The following UNC13D variants were observed in gnomAD, a reference collection of about 807,000 sequenced individuals.
UNC13D encodes the protein unc-13 homolog D.
UNC13D carries 115 observed loss-of-function variants against 151.7 expected under a neutral mutation model. The observed-to-expected ratio is 0.76, with a 90% CI of 0.65 to 0.88. The LOEUF (loss-of-function observed/expected upper bound fraction) is 0.88. Ranked by LOEUF, UNC13D falls within the 40% of genes least tolerant of loss-of-function variation. The probability of loss-of-function intolerance (pLI) is 0.00; values close to 1 mark genes in which losing one functional copy is unlikely to be tolerated. For synonymous variants in UNC13D, 588 were observed against 612.2 expected (o/e 0.96, Z 0.58); for missense variants, 1,369 against 1,438.7 (o/e 0.95, Z 0.78).
rs1357879329 is a variant in UNC13D at position 75,830,145 on chromosome 17, C to G, written c.2837G>C (p.Ser946Thr). ...CAAGGTCAGCTGGACAAAGGGGTCG[C>G]TGGAGCCTGGTAAGTGGCCGGGGAG... ...SLLPLDSNGS[S>T]DPFVQLTLEP... The change falls in exon 30 of 32, where the codon AGC (serine) becomes ACC (threonine). Residue 946 changes from serine (S) to threonine (T), a missense_variant. Physicochemically the swap from Ser to Thr is moderately conservative, Grantham distance 58 (BLOSUM62 1). Transcript: ENST00000207549. The G allele has an allele frequency of 6.3e-7, 1 of 1,589,906 alleles. No individual in the cohort carries two copies. The highest frequency in any genetic ancestry group is 1.3e-5 in the African/African-American group (1 of 74,516).
At chr17:75,829,785 C>T in intron 30 of UNC13D, 3 of 483,622 alleles carry the variant, frequency 6.2e-6, no homozygotes, top group Non-Finnish European at 1.1e-5. Flanking sequence ...AGACTGTTGG[C>T]CAGGCTGGTC....
Position 75,827,427 on chromosome 17 carries a change from G to A in UNC13D, c.*538C>T, listed in dbSNP as rs1405033764. The A allele has an allele frequency of 1.7e-5, 24 of 1,422,034 alleles. 1 individual carries two copies. In the South Asian group the frequency reaches 3.3e-4, roughly 20 times the overall value. The allele number at this position is 1,422,034 out of a possible 1,614,324, so 88.1% of individuals were successfully genotyped here. The stretch of plus-strand genomic sequence containing the variant: ...AAGGTTCTTGGCTCCAGGCTTCCTG[G>A]CCTGGATGCTGGCAGCCCCTGGGGA... On this transcript the variant is annotated 3_prime_UTR_variant, in exon 32 of 32. Transcript: ENST00000207549.
Position 75,831,180 on chromosome 17 carries a change from T to A in UNC13D, c.2554-11A>T. The A allele has an allele frequency of 6.2e-7, 1 of 1,614,006 alleles. No individual in the cohort carries two copies. Reference sequence around the variant, plus strand: ...GCAGATCTCCAGGTTCTGGGGGAGATATCAGAGGTGACCCCAGGCACCCTC... The same window carrying A: ...GCAGATCTCCAGGTTCTGGGGGAGAAATCAGAGGTGACCCCAGGCACCCTC... On this transcript the variant is annotated splice_polypyrimidine_tract_variant and intron_variant, in intron 26 of 31. Coordinates refer to ENST00000207549, the MANE Select transcript of UNC13D (RefSeq NM_199242.3).
chr17:75,835,657 A>G lies in UNC13D; in HGVS notation c.1717T>C (p.Ser573Pro), dbSNP rs771198913. ...LKELCQLRMS[S>P]SERDGVLALD... ...TGGCCTGCTGCCCACCTCTCTGAGG[A>G]GCTCATGCGCAGCTGGCAGAGCTCC... Residue 573 changes from serine (S) to proline (P), a missense_variant, in exon 19 of 32, where the codon TCC becomes CCC. Ser to Pro is a moderately conservative substitution (Grantham distance 74). Transcript: ENST00000207549. 4 of 1,613,146 alleles carry G rather than the reference A, an allele frequency of 2.5e-6. No individual in the cohort carries two copies. The African/African-American group carries it at 5.3e-5, about 22-fold the overall frequency.
In UNC13D at chr17:75,843,237, G is replaced by A. The variant is rs1327467105; in HGVS notation, c.183C>T (p.Tyr61=). Residue 61 remains tyrosine, a synonymous_variant, in exon 3 of 32, where the codon TAC becomes TAT. Coordinates refer to ENST00000207549, the MANE Select transcript of UNC13D (RefSeq NM_199242.3). The part of the protein sequence containing the change: ...QRALLYEDAL[Y]TVLHRLGHPE... ...GATGACCCAGGCGGTGCAAGACAGT[G>A]TAGAGTGCGTCCTCGTAGAGCAGGG... The A allele has an allele frequency of 2.5e-6, 4 of 1,610,280 alleles. No individual in the cohort carries two copies. The highest frequency in any genetic ancestry group is 1.1e-5 in the South Asian group (1 of 91,084).
At chr17:75,831,016 T>C (rs1838126168) in intron 27 of UNC13D, 82 bp downstream of exon 27, 3 of 1,522,488 alleles carry the variant, frequency 2.0e-6, no homozygotes, top group Non-Finnish European at 2.7e-6. Context: ...CCATAAATTA[T>C]GTAGCCGACC....
Position 75,843,091 on chromosome 17 carries a change from G to T in UNC13D, c.262-18C>A. The T allele has an allele frequency of 6.2e-7, 1 of 1,604,262 alleles. No individual in the cohort carries two copies. ...TGGAAGGCCTGGTGGGGAGGCAGGC[G>T]GGTGGGTGGCTGGGGGCACCAGACA... On this transcript the variant is annotated intron_variant, in intron 3 of 31. Coordinates refer to ENST00000207549, the MANE Select transcript of UNC13D (RefSeq NM_199242.3).
chr17:75,829,383 C>T (rs2062144932), intron 30 of UNC13D, among the ~76,000 whole-genome samples: 1 of 151,508 alleles, frequency 6.6e-6, no homozygotes, highest in South Asian at 2.1e-4. Context: ...ACAACCTCCG[C>T]CTCCCGGGTT....
rs1329099099 is a variant in UNC13D, at chr17:75,840,694, T to G, written c.683+68A>C. ...AAGGAGCCTGCACCCCAGCATCCAGTGTGCATGTTGGGGGATGGAGGGCAA... is the reference window on the plus strand; with the variant it reads ...AAGGAGCCTGCACCCCAGCATCCAGGGTGCATGTTGGGGGATGGAGGGCAA... On this transcript the variant is annotated intron_variant, in intron 8 of 31. Coordinates refer to ENST00000207549, the MANE Select transcript of UNC13D (RefSeq NM_199242.3). This position sits in a 1 kb window ranked among gnomAD's most constrained non-coding sequence, Gnocchi z 4.6. 1.1e-5 allele frequency: 17 copies of G among 1,604,674 alleles called. No homozygotes were observed. Among genetic ancestry groups the G allele is most frequent in the African/African-American group, 1.3e-5 (1 of 74,672 alleles).
intron 23 of UNC13D, 36 bp from the exon 24 acceptor site, chr17:75,834,179 G>C: frequency 6.2e-7 from 1 of 1,612,120 alleles, no homozygotes; most frequent in Non-Finnish European, 8.5e-7. Context: ...GGGAGGTCAG[G>C]GCATGAGTCG....
intron 31 of UNC13D, 91 bp downstream of exon 31, chr17:75,828,696 T>A: frequency 7.3e-7 from 1 of 1,362,738 alleles, no homozygotes; most frequent in Non-Finnish European, 9.6e-7. Flanking sequence ...AGGGAAGCTG[T>A]TCTCCGACCC....
chr17:75,843,855 G>A (rs1328736033), intron 1 of UNC13D: 3 of 1,373,190 alleles, frequency 2.2e-6, no homozygotes, highest in Non-Finnish European at 2.8e-6. Flanking sequence ...CGGAGGTGAG[G>A]GGGGTGCCAC....
At chr17:75,830,958 G>A (rs1017545153) in intron 27 of UNC13D, 140 bp downstream of exon 27, 4 of 1,123,740 alleles carry the variant, frequency 3.6e-6, no homozygotes, top group Non-Finnish European at 5.1e-6. Context: ...TCTAAAATTT[G>A]TAATAACTTT....
At chr17:75,839,466 T>TGAGAA (rs2064932467) in intron 12 of UNC13D, among the ~76,000 whole-genome samples, 1 of 151,586 alleles carries the variant, frequency 6.6e-6, no homozygotes, top group Admixed American at 6.6e-5. Flanking sequence ...TTGTGTTTCA[T>TGAGAA]GAGAAGCTGG....
At chr17:75,841,713 G>T (rs377085179) in intron 6 of UNC13D, among the ~76,000 whole-genome samples, 50 of 149,046 alleles carry the variant, frequency 3.4e-4, no homozygotes, top group African/African-American at 1.2e-3. Flanking sequence ...AAAGTGCTGG[G>T]ATTACAGGCA....
At chr17:75,834,586 A>G (rs1358312601) in intron 22 of UNC13D, 32 bp downstream of exon 22, 1 of 1,613,298 alleles carries the variant, frequency 6.2e-7, no homozygotes, top group Admixed American at 1.7e-5. Context: ...CCCCACACCC[A>G]GCTAGACTCC....
chr17:75,836,527 C>T (rs1406247379), intron 14 of UNC13D, 45 bp downstream of exon 14: 3 of 1,612,858 alleles, frequency 1.9e-6, no homozygotes, highest in Non-Finnish European at 2.5e-6. Flanking sequence ...CCCAGCTGCT[C>T]CCTCATCCCT....
rs970960169 is a variant in UNC13D, at chr17:75,831,526, G to A, written c.2448-178C>T. On this transcript the variant is annotated intron_variant, in intron 25 of 31. Transcript: ENST00000207549. ...TGAGGCTGGGGAGAGGGTGGGTACA[G>A]GACCAGCAAGGGGCAGGTGGGATCA... 3.4e-5 allele frequency: 21 copies of A among 621,296 alleles called. No individual in the cohort carries two copies. The African/African-American group carries it at 3.9e-4, about 11-fold the overall frequency. 38.5% of individuals were successfully genotyped at this position (621,296 alleles called of 1,614,324 possible). A position where few individuals can be genotyped will look rare whatever the true frequency, so the allele number is the denominator to read the frequency against.
chr17:75,837,006 C>T, intron 12 of UNC13D, 88 bp from the exon 13 acceptor site: 1 of 1,211,602 alleles, frequency 8.3e-7, no homozygotes, highest in South Asian at 1.2e-5. Flanking sequence ...GGAATCGCCT[C>T]CCATCCACCA....
Sources: gnomAD v4.1 joint callset for allele counts (sites outside exome capture counted in the v4.1 genomes callset) on GRCh38, gnomAD v4.1.1 for gene constraint, Gnocchi (gnomAD v3.1) non-coding constraint, MANE v1.5 for transcripts, NCBI Gene and HGNC (gene_info 2026-07-23, HGNC 2026-07-21) for gene names.